The following YBEY variants were observed in gnomAD, a reference collection of about 807,000 sequenced individuals.
YBEY encodes the protein endoribonuclease YbeY.
YBEY carries 15 observed loss-of-function variants against 13.5 expected under a neutral mutation model. The observed-to-expected ratio is 1.11, with a 90% CI of 0.75 to 1.72. YBEY has a LOEUF of 1.72. Among genes scored for constraint, YBEY ranks in the 40% most tolerant of loss-of-function variants. YBEY has a pLI of 0.00. For missense variants in YBEY, 244 were observed against 208.4 expected, an observed-to-expected ratio of 1.17 and a Z score of -1.05; for synonymous variants, 101 against 83.1, an observed-to-expected ratio of 1.21 and a Z score of -1.17.
intron 4 of YBEY, among the ~76,000 whole-genome samples, chr21:46,297,290 C>G (rs1160668510): frequency 1.3e-5 from 2 of 148,738 alleles, no homozygotes; most frequent in Admixed American, 6.7e-5. Context: ...CCCATGCCCC[C>G]CTTTCTTCCT....
the YBEY span, among the ~76,000 whole-genome samples, chr21:46,307,755 G>A: frequency 7.9e-5 from 12 of 152,120 alleles, no homozygotes; most frequent in Non-Finnish European, 1.5e-5. Flanking sequence ...CAGATTTGAG[G>A]ACAGCTGTCA....
intron 1 of YBEY, 80 bp downstream of exon 1, chr21:46,286,495 A>G (rs1054060564): frequency 2.4e-5 from 4 of 167,018 alleles, no homozygotes; most frequent in Non-Finnish European, 5.1e-5. Flanking sequence ...CCCAGACCCC[A>G]GAGGACCCGG....
chr21:46,297,442 C>T, intron 4 of YBEY, 97 bp from the exon 5 acceptor site: 1 of 1,219,108 alleles, frequency 8.2e-7, no homozygotes, highest in Non-Finnish European at 1.1e-6. Flanking sequence ...CCGGCTTCCC[C>T]CAAACCCTGT....
chr21:46,294,883 T>C (rs759982213), intron 3 of YBEY, among the ~76,000 whole-genome samples: 1,903 of 152,312 alleles, frequency 0.012, 19 homozygotes, highest in Non-Finnish European at 0.02. Context: ...AGTGCATCTG[T>C]GTGGCTTGAG....
At chr21:46,303,737 A>T in the YBEY span, among the ~76,000 whole-genome samples, 280 of 30,000 alleles carry the variant, frequency 9.3e-3, 2 homozygotes, top group Non-Finnish European at 0.016. Flanking sequence ...ATATATATAT[A>T]TATATATATT....
chr21:46,305,915 C>T, the YBEY span, among the ~76,000 whole-genome samples: 4 of 151,690 alleles, frequency 2.6e-5, no homozygotes, highest in African/African-American at 9.7e-5. Context: ...GCACTCCAGC[C>T]TGGCAGACAG....
At chr21:46,300,775 C>A (rs1198812143), downstream of YBEY, 3 of 1,288,812 alleles carry the variant, frequency 2.3e-6, no homozygotes, top group African/African-American at 1.5e-5. Context: ...TGCGGAACTT[C>A]AGGAATGAAA....
At chr21:46,290,781 C>T (rs1296248276) in intron 2 of YBEY, among the ~76,000 whole-genome samples, 1 of 151,828 alleles carries the variant, frequency 6.6e-6, no homozygotes, top group Non-Finnish European at 1.5e-5. Flanking sequence ...CGCGGTGGCT[C>T]ACGCCTGTAA....
chr21:46,300,657 G>C (rs1035032422), downstream of YBEY: 2 of 1,259,086 alleles, frequency 1.6e-6, no homozygotes, highest in South Asian at 2.6e-5. Flanking sequence ...GTCAGCACCA[G>C]GTGGCTGTCC....
chr21:46,298,767 C>G (rs1226440846), downstream of YBEY, among the ~76,000 whole-genome samples: 1 of 151,336 alleles, frequency 6.6e-6, no homozygotes. Flanking sequence ...CTCTGTTGCC[C>G]AGGCTGGAGT....
At chr21:46,311,860 T>C in the YBEY span, among the ~76,000 whole-genome samples, 775 of 34,044 alleles carry the variant, frequency 0.023, no homozygotes, top group Admixed American at 0.041. Flanking sequence ...TCTATCCACC[T>C]ACCCATCCAT....
At chr21:46,288,663 G>T (rs2081567680) in intron 2 of YBEY, among the ~76,000 whole-genome samples, 2 of 148,902 alleles carry the variant, frequency 1.3e-5, no homozygotes, top group African/African-American at 4.9e-5. Context: ...TGGCGACAGA[G>T]CGAGACTCCG....
At position 46,296,307 on chromosome 21, in the gene YBEY, C is replaced by A. The variant is rs2081950265; in HGVS notation, c.408+77C>A. 13 of 1,559,912 alleles carry A rather than the reference C, an allele frequency of 8.3e-6. No individual in the cohort carries two copies. In the South Asian group the frequency reaches 1.2e-4, roughly 15 times the overall value. On this transcript the variant is annotated intron_variant, in intron 4 of 4. Transcript: ENST00000397701. ...TCCCCCAGGCCCCTGCCAGCCCCCACCCTCCATCTTGACCGCCCCCGCAGG... is the reference window on the plus strand; with the variant it reads ...TCCCCCAGGCCCCTGCCAGCCCCCAACCTCCATCTTGACCGCCCCCGCAGG...
chr21:46,292,059 T>A (rs1392118925), intron 3 of YBEY: 3 of 169,828 alleles, frequency 1.8e-5, no homozygotes, highest in African/African-American at 2.4e-5. Context: ...AGACGGACCA[T>A]GGGGTGTCAA....
rs200394865 is a variant in YBEY, at chr21:46,297,623, G to C, written c.493G>C (p.Gly165Arg). The C allele has an allele frequency of 7.4e-7, 1 of 1,344,772 alleles. No homozygotes were observed. Among genetic ancestry groups the C allele is most frequent in the Non-Finnish European group, 9.7e-7 (1 of 1,034,230 alleles). 83.3% of individuals were successfully genotyped at this position (1,344,772 alleles called of 1,614,324 possible). A position where few individuals can be genotyped will look rare whatever the true frequency, so the allele number is the denominator to read the frequency against. ...GCAGCCCCTGACCCGGGGCCTCTTC[G>C]GAGGGAGCTGAGGGCCGCGTTCCTT... The part of the protein sequence containing the change: ...RLQPLTRGLF[G>R]GS Residue 165 changes from glycine (G) to arginine (R), a missense_variant, in exon 5 of 5, where the codon GGA becomes CGA. Coordinates refer to ENST00000397701, the MANE Select transcript of YBEY (RefSeq NM_001314025.2).
chr21:46,301,232 C>T, downstream of YBEY: 1 of 348,354 alleles, frequency 2.9e-6, no homozygotes, highest in Non-Finnish European at 4.0e-6. Context: ...GCTTCTAACT[C>T]CTGGGCTCAA....
downstream of YBEY, chr21:46,302,680 G>A (rs2082166108): frequency 1.1e-6 from 1 of 902,280 alleles, no homozygotes; most frequent in Non-Finnish European, 1.7e-6. Flanking sequence ...TCTGTACACT[G>A]TGCAGGTCCC....
At chr21:46,290,735 C>T (rs1472553800) in intron 2 of YBEY, among the ~76,000 whole-genome samples, 1 of 150,296 alleles carries the variant, frequency 6.7e-6, no homozygotes, top group East Asian at 2.0e-4. Flanking sequence ...ATGATGAAAC[C>T]CCATCTCTAC....
chr21:46,301,666 C>T (rs1368453141), downstream of YBEY: 17 of 1,120,322 alleles, frequency 1.5e-5, no homozygotes, highest in East Asian at 9.5e-5. Context: ...ACTTTACCTC[C>T]GTGATGGAAG....
Sources: allele counts gnomAD v4.1 joint callset (sites outside exome capture counted in the v4.1 genomes callset), GRCh38; gene constraint gnomAD v4.1.1; transcripts MANE v1.5; gene names NCBI Gene and HGNC (gene_info 2026-07-23, HGNC 2026-07-21).